The following COL6A3 variants were observed in gnomAD, a reference collection of about 807,000 sequenced individuals.
COL6A3 encodes the protein collagen type VI alpha 3 chain.
COL6A3 carries 137 observed loss-of-function variants against 274.1 expected under a neutral mutation model. That is an observed-to-expected ratio of 0.50 (90% CI 0.44 to 0.58). COL6A3 has a LOEUF of 0.58. COL6A3 is among the 20% of genes least tolerant of loss of function. The pLI, the probability that COL6A3 is intolerant of heterozygous loss-of-function variation, is 0.00. For missense variants in COL6A3, 3,950 were observed against 4,124.9 expected, an observed-to-expected ratio of 0.96 and a Z score of 1.16; for synonymous variants, 1,650 against 1,650.6, an observed-to-expected ratio of 1.00 and a Z score of 0.01.
Position 237,396,804 on chromosome 2 carries a change from C to T in COL6A3, c.14G>A (p.Arg5Gln), listed in dbSNP as rs765276422. The change falls in exon 2 of 44, where the codon CGG (arginine) becomes CAG (glutamine). Residue 5 changes from arginine (R) to glutamine (Q), a missense_variant. Arg to Gln is a conservative substitution (Grantham distance 43). Coordinates refer to ENST00000295550, the MANE Select transcript of COL6A3 (RefSeq NM_004369.4). ...AAAGACGGCCACTAAGGGCAAGTGC[C>T]GATGTTTCCTCATTTTGAATTTGTC... is the stretch of plus-strand genomic sequence containing the variant. MRKH[R>Q]HLPLVAVFCL... 9.3e-5 allele frequency: 150 copies of T among 1,614,000 alleles called. 1 individual carries two copies. The Admixed American group carries it at 9.3e-4, about 10-fold the overall frequency.
intron 1 of COL6A3, among the ~76,000 whole-genome samples, chr2:237,398,158 C>T (rs1185869641): frequency 6.6e-6 from 1 of 152,234 alleles, no homozygotes; most frequent in African/African-American, 2.4e-5. Context: ...TAATATTTAG[C>T]ACTTTTCCTC....
chr2:237,410,883 C>T (rs964799989), intron 1 of COL6A3, among the ~76,000 whole-genome samples: 6 of 152,086 alleles, frequency 3.9e-5, no homozygotes, highest in Admixed American at 6.6e-5. Flanking sequence ...TATCTAGAAA[C>T]GGGAGAATGA....
rs147296031 is a variant in COL6A3 at position 237,378,498 on chromosome 2, CCATT to C, written c.2497+134_2497+137del. On this transcript the variant is annotated intron_variant, in intron 6 of 43. Coordinates refer to ENST00000295550, the MANE Select transcript of COL6A3 (RefSeq NM_004369.4). ...CTTGCTGGTACAGTGTCTCAAGTCC[CCATT>C]CAAACTATTTCAATGGAAGGGAGCC... is the stretch of plus-strand genomic sequence containing the variant. The C allele has an allele frequency of 2.3e-3, 2,952 of 1,287,060 alleles. 10 individuals carry two copies. Among genetic ancestry groups the C allele is most frequent in the Non-Finnish European group, 2.9e-3 (2,582 of 890,614 alleles). The allele number at this position is 1,287,060 out of a possible 1,614,324, so 79.7% of individuals were successfully genotyped here. A position where few individuals can be genotyped will look rare whatever the true frequency, so the allele number is the denominator to read the frequency against.
At chr2:237,373,063 A>G (rs1333096321) in intron 8 of COL6A3, among the ~76,000 whole-genome samples, 4 of 152,160 alleles carry the variant, frequency 2.6e-5, no homozygotes, top group East Asian at 1.9e-4. Flanking sequence ...ATAGGACTCA[A>G]GATTACCAGC....
intron 2 of COL6A3, 71 bp from the exon 3 acceptor site, chr2:237,395,275 C>G: frequency 6.4e-7 from 1 of 1,550,988 alleles, no homozygotes; most frequent in Middle Eastern, 2.1e-4. Context: ...GCAAAGCCTT[C>G]CTAAACAAAT....
intron 3 of COL6A3, among the ~76,000 whole-genome samples, chr2:237,388,861 T>A (rs533697807): frequency 6.6e-6 from 1 of 152,358 alleles, no homozygotes; most frequent in East Asian, 1.9e-4. Context: ...TGTTCTTTTT[T>A]CTCAAATGAT....
In COL6A3 at chr2:237,381,423, G is replaced by A. The variant is rs112896869; in HGVS notation, c.1389C>T (p.Ala463=). Reference sequence around the variant, plus strand: ...TGACTTTAGCAATGAAGTCTCGGATGGCATTGAAGTTGGCCAGTCCCAGTG... The same window carrying A: ...TGACTTTAGCAATGAAGTCTCGGATAGCATTGAAGTTGGCCAGTCCCAGTG... ...SSALGLANFN[A]IRDFIAKVIQ... The change falls in exon 5 of 44, where the codon GCC becomes GCT. Residue 463 remains alanine, a synonymous_variant. Coordinates refer to ENST00000295550, the MANE Select transcript of COL6A3 (RefSeq NM_004369.4). The A allele has an allele frequency of 0.016, 26,454 of 1,612,866 alleles. 269 individuals carry two copies. The highest frequency in any genetic ancestry group is 0.02 in the Non-Finnish European group (23,867 of 1,180,010).
chr2:237,352,728 T>G (rs1669091649), intron 25 of COL6A3, 144 bp from the exon 26 acceptor site: 4 of 744,508 alleles, frequency 5.4e-6, no homozygotes, highest in Middle Eastern at 2.8e-4. Context: ...TTATCCTGTC[T>G]TAGCTGCAGT....
At position 237,359,093 on chromosome 2, in the gene COL6A3, CA is replaced by C; in HGVS notation, c.6355-6del. On this transcript the variant is annotated splice_region_variant and splice_polypyrimidine_tract_variant and intron_variant, in intron 19 of 43. Transcript: ENST00000295550. ...ACCAGGCAATCCTTTGTCTCCCTGC[CA>C]AAGACAAGGATTAAAGGTCACACCT... 2 of 1,614,106 alleles carry C rather than the reference CA, an allele frequency of 1.2e-6. No homozygotes were observed. The highest frequency in any genetic ancestry group is 1.7e-6 in the Non-Finnish European group (2 of 1,179,972).
intron 14 of COL6A3, among the ~76,000 whole-genome samples, chr2:237,362,955 A>G (rs753710620): frequency 3.9e-5 from 6 of 152,232 alleles, no homozygotes; most frequent in Non-Finnish European, 5.9e-5. Context: ...GCATCCCTGC[A>G]ATGGTGTTAA....
intron 38 of COL6A3, among the ~76,000 whole-genome samples, chr2:237,339,833 G>A (rs985084081): frequency 7.2e-5 from 11 of 152,138 alleles, no homozygotes. Flanking sequence ...AACAGGCCAG[G>A]TAATAGATGC....
Position 237,325,572 on chromosome 2 carries a change from C to T in COL6A3, c.9481G>A (p.Val3161Ile), listed in dbSNP as rs781219013. Residue 3161 changes from valine (V) to isoleucine (I), a missense_variant, in exon 43 of 44, where the codon GTT (valine) becomes ATT (isoleucine). Coordinates refer to ENST00000295550, the MANE Select transcript of COL6A3 (RefSeq NM_004369.4). ...KFGSQKECEK[V>I]CAPVLAKPGV... ...AAGAATCACTTACCAGGAGCGCAAA[C>T]CTTTTCACATTCTTTCTGTGATCCA... The T allele has an allele frequency of 4.3e-6, 7 of 1,614,158 alleles. No homozygotes were observed. In the East Asian group the frequency reaches 1.3e-4, roughly 31 times the overall value.
chr2:237,337,864 C>T (rs572079835), intron 39 of COL6A3, among the ~76,000 whole-genome samples: 2 of 148,038 alleles, frequency 1.4e-5, no homozygotes, highest in East Asian at 2.0e-4. Context: ...GTGCCACAGT[C>T]CTGCCCACTC....
At chr2:237,365,471 A>G (rs1185685075) in intron 12 of COL6A3, among the ~76,000 whole-genome samples, 3 of 152,234 alleles carry the variant, frequency 2.0e-5, no homozygotes, top group African/African-American at 7.2e-5. Context: ...AACTCATTCA[A>G]GTTAAACTAC....
chr2:237,365,691 C>G lies in COL6A3; in HGVS notation c.5838+7G>C, dbSNP rs369931091. On this transcript the variant is annotated splice_region_variant and intron_variant, in intron 12 of 43. Coordinates refer to ENST00000295550, the MANE Select transcript of COL6A3 (RefSeq NM_004369.4). ...AGGGAGCACCTGAACCAACTGGCCC[C>G]ACAGACCTTCACGCTGTCCGGCGAG... 6.2e-6 allele frequency: 10 copies of G among 1,613,804 alleles called. No homozygotes were observed. The East Asian group carries it at 6.7e-5, about 11-fold the overall frequency.
rs1200135188 is a variant in COL6A3, at chr2:237,332,051, ATCTC to A, written c.9328+1395_9328+1398del. On this transcript the variant is annotated intron_variant, in intron 42 of 43. Coordinates refer to ENST00000295550, the MANE Select transcript of COL6A3 (RefSeq NM_004369.4). Reference sequence around the variant, plus strand: ...CTGAACCTCACAACTCTCTCCCCCCATCTCTCTCTCTCTCTCTACATATATATAT... The same window carrying A: ...CTGAACCTCACAACTCTCTCCCCCCATCTCTCTCTCTCTACATATATATAT... Among the ~76,000 whole-genome samples the A allele has an allele frequency of 1.4e-3, 129 of 89,328 alleles. 2 individuals carry two copies. Among genetic ancestry groups the A allele is most frequent in the Middle Eastern group, 6.9e-3 (1 of 144 alleles). The allele number at this position is 89,328 out of a possible 152,430, so 58.6% of individuals were successfully genotyped here. A position where few individuals can be genotyped will look rare whatever the true frequency, so the allele number is the denominator to read the frequency against.
Position 237,363,267 on chromosome 2 carries a change from G to T in COL6A3, c.6049C>A (p.Leu2017Ile). 1 of 1,613,912 alleles carries T rather than the reference G, an allele frequency of 6.2e-7. No homozygotes were observed. Among genetic ancestry groups the T allele is most frequent in the Non-Finnish European group, 8.5e-7 (1 of 1,180,008 alleles). ...RLNLLDLDYELAEQLDNIAEK... is the reference protein window; with the variant it reads ...RLNLLDLDYEIAEQLDNIAEK... ...AAAAAACTCACAAGCTGCTCCGCTA[G>T]TTCATAATCCAAGTCCAGCAAGTTA... The change falls in exon 14 of 44, where the codon CTA (leucine) becomes ATA (isoleucine). Residue 2017 changes from leucine to isoleucine, a missense_variant. Leu to Ile is a conservative substitution (Grantham distance 5). Transcript: ENST00000295550.
chr2:237,370,835 A>G (rs2077669310), intron 9 of COL6A3, among the ~76,000 whole-genome samples: 1 of 152,228 alleles, frequency 6.6e-6, no homozygotes, highest in Admixed American at 6.5e-5. Flanking sequence ...TGTTGAGCAC[A>G]CATGATCTCA....
In COL6A3 at chr2:237,341,146, G is replaced by A. The variant is rs1574940988; in HGVS notation, c.7770C>T (p.Ile2590=). The A allele has an allele frequency of 6.2e-7, 1 of 1,614,094 alleles. No individual in the cohort carries two copies. The highest frequency in any genetic ancestry group is 1.7e-5 in the Admixed American group (1 of 60,034). ...NVLTCHVCLD[I]CNIDPSCGFG... ...ATCCACAGGATGGGTCGATGTTGCA[G>A]ATGTCTAGAAAGAAGCATGGCAGCC... The change falls in exon 38 of 44, where the codon ATC becomes ATT. Residue 2590 remains isoleucine (I), a synonymous_variant. Coordinates refer to ENST00000295550, the MANE Select transcript of COL6A3 (RefSeq NM_004369.4).
Sources: allele counts gnomAD v4.1 joint callset (sites outside exome capture counted in the v4.1 genomes callset), GRCh38; gene constraint gnomAD v4.1.1; transcripts MANE v1.5; gene names NCBI Gene and HGNC (gene_info 2026-07-23, HGNC 2026-07-21).